The following CCDC57 variants were observed in gnomAD, a reference collection of about 807,000 sequenced individuals.
The protein encoded by CCDC57 is coiled-coil domain-containing protein 57.
In CCDC57, 118 loss-of-function variants were observed where a neutral mutation model predicts 118.9. The observed-to-expected ratio is 0.99, with a 90% confidence interval of 0.86 to 1.16. The LOEUF is 1.16. Ranked by LOEUF, CCDC57 falls within the 50% of genes most tolerant of loss-of-function variation. The pLI is 0.00. For synonymous variants in CCDC57, 527 were observed against 532.9 expected, an observed-to-expected ratio of 0.99 and a Z score of 0.15; for missense variants, 1,300 against 1,320.7, an observed-to-expected ratio of 0.98 and a Z score of 0.24.
At chr17:82,181,142 G>A (rs2046161952) in intron 9 of CCDC57, among the ~76,000 whole-genome samples, 1 of 152,246 alleles carries the variant, frequency 6.6e-6, no homozygotes, top group Non-Finnish European at 1.5e-5. Flanking sequence ...GCAGAGAGGA[G>A]GGGAACCTGG....
chr17:82,117,161 G>A (rs1349683109), intron 19 of CCDC57, among the ~76,000 whole-genome samples: 1 of 152,122 alleles, frequency 6.6e-6, no homozygotes, highest in African/African-American at 2.4e-5. Flanking sequence ...ACCAGCCTGG[G>A]CTAACATGGG....
intron 8 of CCDC57, chr17:82,185,272 T>C (rs1407368415): frequency 6.6e-6 from 1 of 152,116 alleles, no homozygotes; most frequent in Non-Finnish European, 1.5e-5. Flanking sequence ...TGAGCCATGA[T>C]CGCACTGCTG....
chr17:82,125,411 C>T (rs1192392806), intron 19 of CCDC57, among the ~76,000 whole-genome samples: 1 of 151,560 alleles, frequency 6.6e-6, no homozygotes, highest in Non-Finnish European at 1.5e-5. Flanking sequence ...AGTCTCATTC[C>T]GTCACCCAGA....
At chr17:82,163,226 G>A (rs775255471) in exon 14 of CCDC57, 12 of 1,613,994 alleles carry the variant, frequency 7.4e-6, no homozygotes, top group Non-Finnish European at 9.3e-6. Context: ...GTCACCAGCA[G>A]GTTTAGGAGC....
chr17:82,144,115 T>C (rs2145637123), intron 16 of CCDC57, among the ~76,000 whole-genome samples: 1 of 152,084 alleles, frequency 6.6e-6, no homozygotes, highest in Non-Finnish European at 1.5e-5. Flanking sequence ...ATCAGACTGA[T>C]GGCTGACCTC....
At chr17:82,157,715 G>A (rs748479860) in intron 15 of CCDC57, 33 bp downstream of exon 14, 34 of 1,548,090 alleles carry the variant, frequency 2.2e-5, no homozygotes, top group Non-Finnish European at 2.4e-5. Context: ...CAGGAACCTC[G>A]GCGGGTGGCA....
chr17:82,115,232 C>A (rs1436843207), intron 19 of CCDC57, among the ~76,000 whole-genome samples: 1 of 150,196 alleles, frequency 6.7e-6, no homozygotes, highest in African/African-American at 2.5e-5. Context: ...TGTGTGATCT[C>A]CAGCGGAGGC....
chr17:82,119,844 G>A (rs1327689399), intron 19 of CCDC57, among the ~76,000 whole-genome samples: 2 of 152,128 alleles, frequency 1.3e-5, no homozygotes, highest in Non-Finnish European at 2.9e-5. Context: ...GGTGAGAGAG[G>A]AGGCTAGGCT....
intron 19 of CCDC57, among the ~76,000 whole-genome samples, chr17:82,102,178 G>T (rs1014062863): frequency 6.6e-6 from 1 of 152,162 alleles, no homozygotes; most frequent in Non-Finnish European, 1.5e-5. Context: ...CCAGGAGGGG[G>T]CAGGGGTGCT....
chr17:82,187,113 C>G (rs1013153693), intron 8 of CCDC57, among the ~76,000 whole-genome samples: 1 of 148,906 alleles, frequency 6.7e-6, no homozygotes, highest in Non-Finnish European at 1.5e-5. Flanking sequence ...GGTATATGCC[C>G]GTAATGCCAG....
intron 2 of CCDC57, among the ~76,000 whole-genome samples, chr17:82,203,638 G>T (rs1189901353): frequency 6.6e-6 from 1 of 152,192 alleles, no homozygotes; most frequent in Non-Finnish European, 1.5e-5. Context: ...TCTATTAAAA[G>T]ATAAAGTTTC....
intron 19 of CCDC57, chr17:82,107,335 G>A (rs1293930592): frequency 4.5e-6 from 2 of 440,834 alleles, no homozygotes; most frequent in Admixed American, 4.8e-5. Context: ...GCATGGCACA[G>A]TGGCTTGGCA....
At chr17:82,167,929 T>G (rs1380679835) in intron 13 of CCDC57, among the ~76,000 whole-genome samples, 2 of 152,216 alleles carry the variant, frequency 1.3e-5, no homozygotes. Context: ...CAACGTAATT[T>G]TAAGAGTTAA....
At chr17:82,173,503 C>T (rs1000832597) in intron 11 of CCDC57, among the ~76,000 whole-genome samples, 22 of 152,090 alleles carry the variant, frequency 1.4e-4, no homozygotes, top group African/African-American at 4.8e-4. Context: ...CCCAGATGAA[C>T]GCAAAGACAG....
chr17:82,124,134 C>T (rs751903412), intron 19 of CCDC57, among the ~76,000 whole-genome samples: 2 of 152,266 alleles, frequency 1.3e-5, no homozygotes, highest in Admixed American at 1.3e-4. Flanking sequence ...ACAGATGCCT[C>T]GTTACAGACC....
chr17:82,119,634 AG>A (rs983551026), intron 19 of CCDC57, among the ~76,000 whole-genome samples: 7 of 151,394 alleles, frequency 4.6e-5, no homozygotes, highest in African/African-American at 1.7e-4. Context: ...GCAAACAAGG[AG>A]GGTGCCTGCA....
At position 82,146,030 on chromosome 17, in the gene CCDC57, C is replaced by T. The variant is rs932650543; in HGVS notation, c.2455+5530G>A. On this transcript the variant is annotated intron_variant, in intron 16 of 19. Coordinates refer to ENST00000665763, the Ensembl canonical transcript of CCDC57. ...GAAGTGGCGGTCAGCTTGCTCCCTG[C>T]GGGATGCGGCCCCTTCCCAGAGGCG... Among the ~76,000 whole-genome samples, 6 of 152,342 alleles carry T rather than the reference C, an allele frequency of 3.9e-5. No individual in the cohort carries two copies. The East Asian group carries it at 5.8e-4, about 15-fold the overall frequency.
At chr17:82,109,206 G>A (rs1351745806) in intron 19 of CCDC57, among the ~76,000 whole-genome samples, 1 of 152,208 alleles carries the variant, frequency 6.6e-6, no homozygotes, top group Non-Finnish European at 1.5e-5. Flanking sequence ...GACATGGACA[G>A]GAAACCAAGT....
At chr17:82,190,162 A>ACAGAG in intron 7 of CCDC57, among the ~76,000 whole-genome samples, 1 of 152,004 alleles carries the variant, frequency 6.6e-6, no homozygotes, top group African/African-American at 2.4e-5. Context: ...ATATCCCAGC[A>ACAGAG]TAGAGTGACT....
Sources: gnomAD v4.1 joint callset for allele counts (sites outside exome capture counted in the v4.1 genomes callset) on GRCh38, gnomAD v4.1.1 for gene constraint, MANE v1.5 for transcripts, NCBI Gene and HGNC (gene_info 2026-07-23, HGNC 2026-07-21) for gene names.